Variants in NCAM2 observed in about 807,000 individuals in gnomAD.
NCAM2 encodes the protein N-CAM-2.
A neutral mutation model predicts 98.1 loss-of-function variants in NCAM2; 30 were observed. The observed-to-expected ratio is 0.31, with a 90% CI of 0.23 to 0.41. The LOEUF (loss-of-function observed/expected upper bound fraction) is 0.41, where lower values mean the gene tolerates loss of function less well. NCAM2 is among the 10% of genes least tolerant of loss of function. NCAM2 has a pLI of 1.00. For synonymous variants in NCAM2, 368 were observed against 342.4 expected, an observed-to-expected ratio of 1.07 and a Z score of -0.83; for missense variants, 867 against 1,005.8, an observed-to-expected ratio of 0.86 and a Z score of 1.87.
At chr21:21,223,900 A>G (rs2070273742) in intron 1 of NCAM2, among the ~76,000 whole-genome samples, 1 of 152,196 alleles carries the variant, frequency 6.6e-6, no homozygotes, top group Admixed American at 6.6e-5. Context: ...CAGAAAAAGC[A>G]TTTGCTATCA....
chr21:21,504,322 T>C (rs1987832405), intron 15 of NCAM2, among the ~76,000 whole-genome samples: 2 of 151,940 alleles, frequency 1.3e-5, no homozygotes, highest in Non-Finnish European at 2.9e-5. Flanking sequence ...TCCTACCTTA[T>C]AAAGTTACCA....
intron 1 of NCAM2, among the ~76,000 whole-genome samples, chr21:21,078,889 T>C (rs56263840): frequency 0.21 from 32,134 of 152,024 alleles, 3,852 homozygotes; most frequent in African/African-American, 0.31. Context: ...TTTGCAGGGA[T>C]ATGGATGAAG....
At chr21:21,033,963 C>G (rs1444316239) in intron 1 of NCAM2, among the ~76,000 whole-genome samples, 1 of 149,698 alleles carries the variant, frequency 6.7e-6, no homozygotes, top group South Asian at 2.1e-4. Flanking sequence ...CCATTCGAAA[C>G]TTTATTTTCA....
intron 1 of NCAM2, among the ~76,000 whole-genome samples, chr21:21,060,306 G>A (rs1179873292): frequency 6.6e-6 from 1 of 152,014 alleles, no homozygotes; most frequent in East Asian, 1.9e-4. Flanking sequence ...ATTAATTTTA[G>A]CATTCAATAA....
At chr21:21,529,975 A>G (rs1047655941) in intron 16 of NCAM2, among the ~76,000 whole-genome samples, 3 of 150,066 alleles carry the variant, frequency 2.0e-5, no homozygotes, top group African/African-American at 7.3e-5. Context: ...CATAACATAT[A>G]TTAGCGTTTC....
chr21:21,433,413 C>A (rs2077386667), intron 12 of NCAM2, among the ~76,000 whole-genome samples: 1 of 151,782 alleles, frequency 6.6e-6, no homozygotes, highest in Admixed American at 6.6e-5. Flanking sequence ...GAATATTGTG[C>A]TACTTTAAAT....
chr21:21,236,579 A>T (rs2070834902), intron 1 of NCAM2, among the ~76,000 whole-genome samples: 2 of 152,184 alleles, frequency 1.3e-5, no homozygotes, highest in Admixed American at 6.6e-5. Context: ...TTATCCTCTG[A>T]TAAATAATAA....
intron 6 of NCAM2, among the ~76,000 whole-genome samples, chr21:21,330,394 C>A (rs988098362): frequency 6.6e-6 from 1 of 151,832 alleles, no homozygotes; most frequent in African/African-American, 2.4e-5. Context: ...TAATACTATT[C>A]ATTTAGAAGT....
At chr21:21,062,232 A>G (rs778939684) in intron 1 of NCAM2, among the ~76,000 whole-genome samples, 2 of 152,226 alleles carry the variant, frequency 1.3e-5, no homozygotes, top group African/African-American at 2.4e-5. Context: ...AGTGGGATAT[A>G]TTTAAAATTA....
chr21:21,385,868 A>T (rs2076260665), intron 9 of NCAM2, among the ~76,000 whole-genome samples: 1 of 152,182 alleles, frequency 6.6e-6, no homozygotes, highest in Non-Finnish European at 1.5e-5. Context: ...TTAATTTAAC[A>T]GTTACATACT....
intron 16 of NCAM2, among the ~76,000 whole-genome samples, chr21:21,527,222 C>T (rs1989375347): frequency 6.6e-6 from 1 of 151,520 alleles, no homozygotes; most frequent in South Asian, 2.1e-4. Flanking sequence ...AGTGATTCTC[C>T]TGCCTCAACT....
rs554138742 is a variant in NCAM2, at chr21:21,089,779, C to T, written c.55+91161C>T. Among the ~76,000 whole-genome samples the T allele has an allele frequency of 9.9e-5, 15 of 152,194 alleles. No individual in the cohort carries two copies. The South Asian group carries it at 2.7e-3, about 27-fold the overall frequency. On this transcript the variant is annotated intron_variant, in intron 1 of 17. Transcript: ENST00000400546. ...CCACGTGTTTCTGAAAATCAGCTACCGATGTATGAATGGTAAAAAACATGA... is the reference window on the plus strand; with the variant it reads ...CCACGTGTTTCTGAAAATCAGCTACTGATGTATGAATGGTAAAAAACATGA...
chr21:21,081,296 T>A (rs2065792610), intron 1 of NCAM2, among the ~76,000 whole-genome samples: 2 of 152,142 alleles, frequency 1.3e-5, no homozygotes, highest in Admixed American at 1.3e-4. Context: ...GTCGGGAAGC[T>A]ACTGAGTTTC....
intron 15 of NCAM2, among the ~76,000 whole-genome samples, chr21:21,487,419 A>T (rs998519708): frequency 5.3e-5 from 8 of 152,128 alleles, no homozygotes; most frequent in Admixed American, 4.6e-4. Flanking sequence ...GGAGTTTTAC[A>T]TAAAATTCTG....
At chr21:21,306,253 C>T (rs2073876127) in intron 5 of NCAM2, among the ~76,000 whole-genome samples, 1 of 152,086 alleles carries the variant, frequency 6.6e-6, no homozygotes, top group Non-Finnish European at 1.5e-5. Flanking sequence ...AACCTACTTG[C>T]TCTATTAGTT....
intron 1 of NCAM2, among the ~76,000 whole-genome samples, chr21:21,010,875 AT>A (rs1332076404): frequency 6.6e-6 from 1 of 152,138 alleles, no homozygotes; most frequent in Non-Finnish European, 1.5e-5. Context: ...CTGAGGTTGA[AT>A]GATAAAGGGA....
chr21:21,061,773 T>G (rs2065328672), intron 1 of NCAM2, among the ~76,000 whole-genome samples: 1 of 152,122 alleles, frequency 6.6e-6, no homozygotes, highest in Non-Finnish European at 1.5e-5. Context: ...TTATAGGGGC[T>G]TTTACTGTTA....
chr21:21,008,517 A>G (rs1167899073), intron 1 of NCAM2, among the ~76,000 whole-genome samples: 2 of 152,158 alleles, frequency 1.3e-5, no homozygotes, highest in African/African-American at 4.8e-5. Flanking sequence ...ATAAACTTCA[A>G]AAAGGTGAAA....
At chr21:21,415,534 A>G (rs2076976410) in intron 10 of NCAM2, among the ~76,000 whole-genome samples, 1 of 151,590 alleles carries the variant, frequency 6.6e-6, no homozygotes, top group South Asian at 2.1e-4. Context: ...ACAGGGTTTC[A>G]CCGTGTTAGC....
Sources: allele counts gnomAD v4.1 joint callset (sites outside exome capture counted in the v4.1 genomes callset), GRCh38; gene constraint gnomAD v4.1.1; transcripts MANE v1.5; gene names NCBI Gene and HGNC (gene_info 2026-07-23, HGNC 2026-07-21).